Variants in BICC1 observed in about 807,000 individuals in gnomAD.
BICC1 encodes the protein protein bicaudal C homolog 1.
Under a neutral mutation model 111.0 loss-of-function variants are expected in BICC1, and 43 were observed. The ratio of observed to expected loss-of-function variants is 0.39; its 90% CI spans 0.30 to 0.50. BICC1 has a LOEUF of 0.50. Ranked by LOEUF, BICC1 falls within the 20% of genes least tolerant of loss-of-function variation. The pLI, the probability that BICC1 is intolerant of heterozygous loss-of-function variation, is 0.88. For missense variants in BICC1, 1,091 were observed against 1,203.2 expected (o/e 0.91, Z 1.38); for synonymous variants, 467 against 434.4 (o/e 1.07, Z -0.93).
At chr10:58,512,577 T>G (rs1311712858), upstream of BICC1, among the ~76,000 whole-genome samples, 2 of 152,062 alleles carry the variant, frequency 1.3e-5, no homozygotes, top group Non-Finnish European at 2.9e-5. Flanking sequence ...GTAGTGTGTG[T>G]GATGTGTGTG....
intron 1 of BICC1, among the ~76,000 whole-genome samples, chr10:58,617,193 T>C (rs1390266786): frequency 6.6e-6 from 1 of 152,238 alleles, no homozygotes; most frequent in African/African-American, 2.4e-5. Flanking sequence ...TTCAGGCTCG[T>C]GAGAGTACGG....
intron 1 of BICC1, among the ~76,000 whole-genome samples, chr10:58,601,169 T>TATATATATATATATATA (rs1564506892): frequency 2.2e-5 from 3 of 136,580 alleles, no homozygotes; most frequent in Non-Finnish European, 4.8e-5. Flanking sequence ...TATATATATA[T>TATATATATATATATATA]ATCTCCCAAT....
At chr10:58,562,902 G>A (rs746004128) in intron 1 of BICC1, among the ~76,000 whole-genome samples, 37 of 152,170 alleles carry the variant, frequency 2.4e-4, no homozygotes, top group African/African-American at 6.0e-4. Context: ...CCTGGGCTGT[G>A]GGTGTTTCTG....
At chr10:58,804,255 C>T (rs1028841920) in intron 15 of BICC1, among the ~76,000 whole-genome samples, 2 of 152,116 alleles carry the variant, frequency 1.3e-5, no homozygotes, top group African/African-American at 2.4e-5. Context: ...GTGGCTCACA[C>T]CTATATTCTC....
intron 3 of BICC1, among the ~76,000 whole-genome samples, chr10:58,712,814 G>A (rs1166342062): frequency 6.6e-6 from 1 of 152,112 alleles, no homozygotes; most frequent in Admixed American, 6.5e-5. Context: ...CATAGAACAG[G>A]TTTTGAAGTT....
intron 1 of BICC1, among the ~76,000 whole-genome samples, chr10:58,561,356 T>TAA (rs1404380654): frequency 6.6e-6 from 1 of 152,018 alleles, no homozygotes; most frequent in Non-Finnish European, 1.5e-5. Flanking sequence ...CTAATATAAA[T>TAA]ATAGCTACTC....
chr10:58,775,543 T>C (rs1842728242), intron 3 of BICC1, among the ~76,000 whole-genome samples: 1 of 152,220 alleles, frequency 6.6e-6, no homozygotes, highest in Non-Finnish European at 1.5e-5. Flanking sequence ...TTTGAAGTTA[T>C]TTGACAATTA....
chr10:58,690,317 C>T (rs1034465342), intron 2 of BICC1, among the ~76,000 whole-genome samples: 2 of 152,160 alleles, frequency 1.3e-5, no homozygotes, highest in African/African-American at 4.8e-5. Flanking sequence ...TCTTACAGGC[C>T]ATGGCAGTAA....
In BICC1 at chr10:58,620,860, G is replaced by A. The variant is rs755812931; in HGVS notation, c.196G>A (p.Ala66Thr). The A allele has an allele frequency of 6.2e-7, 1 of 1,613,246 alleles. No individual in the cohort carries two copies. The highest frequency in any genetic ancestry group is 8.5e-7 in the Non-Finnish European group (1 of 1,179,716). ...KKLEAMLQAA[A>T]EGKGRSGEDF... ...GTGCACATTTTTATTTACAGCTGCTGCTGAAGGGAAAGGCAGAAGTGGGGA... is the reference window on the plus strand; with the variant it reads ...GTGCACATTTTTATTTACAGCTGCTACTGAAGGGAAAGGCAGAAGTGGGGA... Residue 66 changes from alanine (A) to threonine (T), a missense_variant, in exon 2 of 21, where the codon GCT becomes ACT. This residue lies in a region of BICC1 where 843 missense variants were observed against 900.8 expected (regional missense o/e 0.94). Transcript: ENST00000373886.
chr10:58,521,167 A>G (rs536960255), intron 1 of BICC1, among the ~76,000 whole-genome samples: 1 of 152,284 alleles, frequency 6.6e-6, no homozygotes, highest in South Asian at 2.1e-4. Flanking sequence ...GTGGCTAGAC[A>G]GTGGAATGAG....
At chr10:58,541,496 A>G (rs563754787) in intron 1 of BICC1, among the ~76,000 whole-genome samples, 1 of 152,266 alleles carries the variant, frequency 6.6e-6, no homozygotes, top group African/African-American at 2.4e-5. Flanking sequence ...AAACTTTACC[A>G]ATGAGGCGAA....
intron 2 of BICC1, among the ~76,000 whole-genome samples, chr10:58,652,607 C>T (rs1347769103): frequency 1.6e-4 from 25 of 152,062 alleles, no homozygotes; most frequent in Admixed American, 1.6e-3. Context: ...TCATTATCCA[C>T]GTAACACGGT....
intron 3 of BICC1, among the ~76,000 whole-genome samples, chr10:58,718,258 A>G (rs905835042): frequency 6.6e-6 from 1 of 152,162 alleles, no homozygotes; most frequent in African/African-American, 2.4e-5. Context: ...CCTGTTCCTC[A>G]TAGGTGGCAC....
At chr10:58,535,860 C>G (rs955109789) in intron 1 of BICC1, among the ~76,000 whole-genome samples, 2 of 150,650 alleles carry the variant, frequency 1.3e-5, no homozygotes, top group Non-Finnish European at 3.0e-5. Flanking sequence ...TCTTATAGAC[C>G]CAAGGGAAAA....
intron 18 of BICC1, chr10:58,814,397 T>C (rs1163904191): frequency 2.3e-6 from 1 of 436,086 alleles, no homozygotes; most frequent in Non-Finnish European, 4.1e-6. Context: ...ACCTAGTAGG[T>C]AGGTGCTCAG....
At chr10:58,773,833 T>C (rs1175824987) in intron 3 of BICC1, among the ~76,000 whole-genome samples, 1 of 152,220 alleles carries the variant, frequency 6.6e-6, no homozygotes, top group African/African-American at 2.4e-5. Flanking sequence ...TTTTTATTGC[T>C]TAACGTTAAT....
chr10:58,689,081 G>A lies in BICC1; in HGVS notation c.238-12993G>A, dbSNP rs1348079162. On this transcript the variant is annotated intron_variant, in intron 2 of 20. Coordinates refer to ENST00000373886, the MANE Select transcript of BICC1 (RefSeq NM_001080512.3). ...AACATGTATTAAGAAAGAAAGAAAGGTTTTTGGTGCTAATGATCAAGAACC... is the reference window on the plus strand; with the variant it reads ...AACATGTATTAAGAAAGAAAGAAAGATTTTTGGTGCTAATGATCAAGAACC... 4.6e-5 allele frequency among the ~76,000 whole-genome samples: 7 copies of A among 151,912 alleles called. No homozygotes were observed. The East Asian group carries it at 1.4e-3, about 29-fold the overall frequency.
At chr10:58,635,817 C>T (rs1351692753) in intron 2 of BICC1, among the ~76,000 whole-genome samples, 1 of 152,134 alleles carries the variant, frequency 6.6e-6, no homozygotes, top group African/African-American at 2.4e-5. Flanking sequence ...AAATATATCC[C>T]CAACTAGAAC....
chr10:58,592,993 G>A lies in BICC1; in HGVS notation c.191-27862G>A, dbSNP rs189172735. Among the ~76,000 whole-genome samples the A allele has an allele frequency of 5.7e-3, 871 of 151,632 alleles. 9 individuals carry two copies. The highest frequency in any genetic ancestry group is 0.02 in the African/African-American group (831 of 41,290). ...TAAGATCCACTGGCTTGAAATTCTC[G>A]CTGCCAGCACAACAGCAGTCTGAGA... is the stretch of plus-strand genomic sequence containing the variant. On this transcript the variant is annotated intron_variant, in intron 1 of 20. Transcript: ENST00000373886.
Sources: gnomAD v4.1 joint callset for allele counts (sites outside exome capture counted in the v4.1 genomes callset) on GRCh38, gnomAD v4.1.1 for gene constraint, gnomAD v4.1.1 regional missense constraint, MANE v1.5 for transcripts, NCBI Gene and HGNC (gene_info 2026-07-23, HGNC 2026-07-21) for gene names.